Variants in CACNA1H observed in about 807,000 individuals in gnomAD.
The protein encoded by CACNA1H is calcium voltage-gated channel subunit alpha1 H, also known as voltage-dependent T-type calcium channel subunit alpha-1H.
In CACNA1H, 149 loss-of-function variants were observed where a neutral mutation model predicts 192.5. That is an observed-to-expected ratio of 0.77 (90% CI 0.68 to 0.89). The LOEUF is 0.89. CACNA1H is among the 40% of genes least tolerant of loss of function. CACNA1H has a pLI of 0.00. For synonymous variants in CACNA1H, 2,202 were observed against 1,475.2 expected (o/e 1.49, Z -11.29); for missense variants, 4,257 against 3,423.5 (o/e 1.24, Z -6.08).
chr16:1,192,700 C>G (rs1385006435), intron 2 of CACNA1H, among the ~76,000 whole-genome samples: 2 of 152,192 alleles, frequency 1.3e-5, no homozygotes, highest in African/African-American at 4.8e-5. Context: ...AGGGCACCCT[C>G]TGCTCCAGCC....
intron 2 of CACNA1H, 71 bp from the exon 3 acceptor site, chr16:1,194,901 T>G (rs1485958365): frequency 2.8e-5 from 31 of 1,110,564 alleles, no homozygotes; most frequent in East Asian, 1.4e-4. Flanking sequence ...GCTGACCGGG[T>G]GGGCATTTGG....
chr16:1,218,832 C>T, intron 33 of CACNA1H, 138 bp from the exon 34 acceptor site: 4 of 1,114,898 alleles, frequency 3.6e-6, no homozygotes, highest in Admixed American at 2.3e-5. Context: ...TGGGTGTGGG[C>T]AGGTGAGAGA....
chr16:1,197,632 C>T (rs772243539), intron 5 of CACNA1H, among the ~76,000 whole-genome samples: 19 of 152,184 alleles, frequency 1.2e-4, no homozygotes, highest in Non-Finnish European at 2.1e-4. Flanking sequence ...GAGGCGGTTG[C>T]GGTCTGGCCA....
intron 11 of CACNA1H, 28 bp downstream of exon 11, chr16:1,205,293 A>T: frequency 6.3e-7 from 1 of 1,580,860 alleles, no homozygotes; most frequent in Non-Finnish European, 8.6e-7. Context: ...CCCCAGGAAG[A>T]GGGGCCCGGG....
At chr16:1,169,769 C>T (rs948336444) in intron 2 of CACNA1H, among the ~76,000 whole-genome samples, 10 of 152,248 alleles carry the variant, frequency 6.6e-5, no homozygotes, top group Non-Finnish European at 1.3e-4. Context: ...GTTTGTCCGT[C>T]TGCCTCCCAG....
intron 2 of CACNA1H, among the ~76,000 whole-genome samples, chr16:1,169,786 T>TCCCTGGC (rs1052578403): frequency 1.1e-4 from 16 of 152,172 alleles, no homozygotes; most frequent in African/African-American, 3.1e-4. Context: ...CCAGGCCTGG[T>TCCCTGGC]CCCTGGCCCC....
intron 2 of CACNA1H, among the ~76,000 whole-genome samples, chr16:1,170,587 G>C (rs1964270799): frequency 6.6e-6 from 1 of 152,192 alleles, no homozygotes; most frequent in African/African-American, 2.4e-5. Context: ...CTTTAATCAG[G>C]GAATGTCTGT....
intron 2 of CACNA1H, among the ~76,000 whole-genome samples, chr16:1,163,281 G>A (rs1963413198): frequency 6.6e-6 from 1 of 152,264 alleles, no homozygotes; most frequent in African/African-American, 2.4e-5. Flanking sequence ...GGCCAGGTGG[G>A]TGTCGGGCGT....
chr16:1,205,956 G>A, intron 11 of CACNA1H, 148 bp from the exon 12 acceptor site: 2 of 726,606 alleles, frequency 2.8e-6, no homozygotes, highest in South Asian at 4.1e-5. Context: ...AGCTGTTCAT[G>A]CACCTTGATG....
chr16:1,162,445 C>T (rs1266892811), intron 2 of CACNA1H, among the ~76,000 whole-genome samples: 1 of 152,220 alleles, frequency 6.6e-6, no homozygotes, highest in Admixed American at 6.5e-5. Flanking sequence ...CAGCCCCTTT[C>T]AGGATGAATC....
At chr16:1,179,439 G>A (rs1328330214) in intron 2 of CACNA1H, among the ~76,000 whole-genome samples, 4 of 152,106 alleles carry the variant, frequency 2.6e-5, no homozygotes, top group South Asian at 2.1e-4. Context: ...TGGCTGTTCC[G>A]TCCTCCTCAT....
chr16:1,176,023 C>G lies in CACNA1H; in HGVS notation c.300-18949C>G, dbSNP rs117751672. Among the ~76,000 whole-genome samples, 837 of 152,326 alleles carry G rather than the reference C, an allele frequency of 5.5e-3. 8 individuals are homozygous for G. Among genetic ancestry groups the G allele is most frequent in the East Asian group, 0.034 (177 of 5,166 alleles). Reference sequence around the variant, plus strand: ...GTGGCTGCTGGGTCCCAACCCCGTTCGTGGAGGCGCCTCCCACTCCCATCG... The same window carrying G: ...GTGGCTGCTGGGTCCCAACCCCGTTGGTGGAGGCGCCTCCCACTCCCATCG... On this transcript the variant is annotated intron_variant, in intron 2 of 34. Coordinates refer to ENST00000348261, the MANE Select transcript of CACNA1H (RefSeq NM_021098.3).
chr16:1,210,348 T>TAAC, intron 18 of CACNA1H, 22 bp from the exon 19 acceptor site: 4 of 277,468 alleles, frequency 1.4e-5, no homozygotes, highest in Non-Finnish European at 2.5e-5. Flanking sequence ...GCCCCACCTC[T>TAAC]CACCCGCCCC....
intron 12 of CACNA1H, chr16:1,206,617 C>T: frequency 4.6e-6 from 2 of 433,198 alleles, no homozygotes; most frequent in Non-Finnish European, 8.4e-6. Flanking sequence ...CTGCTGTGTG[C>T]CCGTCTAGCC....
At chr16:1,164,533 C>G (rs1963558438) in intron 2 of CACNA1H, among the ~76,000 whole-genome samples, 1 of 152,228 alleles carries the variant, frequency 6.6e-6, no homozygotes, top group African/African-American at 2.4e-5. Flanking sequence ...ACTGAGATGG[C>G]TGCTAAGTGG....
At position 1,208,016 on chromosome 16, in the gene CACNA1H, T is replaced by C; in HGVS notation, c.3158T>C (p.Leu1053Pro). The change falls in exon 16 of 35, where the codon CTG becomes CCG. Residue 1053 changes from leucine to proline, a missense_variant. Coordinates refer to ENST00000348261, the MANE Select transcript of CACNA1H (RefSeq NM_021098.3). ...HKLRELQTTE[L>P]KMCSLAVTPN... ...CATTCCTCCCTCTGTCCCGCAGAGC[T>C]GAAGATGTGTTCCCTGGCCGTGACC... 2 of 1,603,260 alleles carry C rather than the reference T, an allele frequency of 1.2e-6. No individual in the cohort carries two copies. The highest frequency in any genetic ancestry group is 1.7e-6 in the Non-Finnish European group (2 of 1,175,754).
chr16:1,198,836 C>A (rs1025860786), intron 6 of CACNA1H, 62 bp downstream of exon 6: 5 of 1,501,206 alleles, frequency 3.3e-6, no homozygotes, highest in Admixed American at 3.9e-5. Context: ...ATGCAGATAA[C>A]GCACCATGTG....
chr16:1,202,516 C>T lies in CACNA1H; in HGVS notation c.2002+64C>T, dbSNP rs138017762. 2.2e-4 allele frequency: 296 copies of T among 1,376,262 alleles called. No homozygotes were observed. In the African/African-American group the frequency reaches 3.5e-3, roughly 16 times the overall value. The allele number at this position is 1,376,262 out of a possible 1,614,324, so 85.3% of individuals were successfully genotyped here. A position where few individuals can be genotyped will look rare whatever the true frequency, so the allele number is the denominator to read the frequency against. ...ACCTAGGCAGGGCGGGCAGGGTCTC[C>T]GGTGTGTCATTCCCACACCCATTGT... On this transcript the variant is annotated intron_variant, in intron 9 of 34. Transcript: ENST00000348261.
chr16:1,155,066 T>C (rs1962134387), intron 2 of CACNA1H, among the ~76,000 whole-genome samples: 1 of 152,224 alleles, frequency 6.6e-6, no homozygotes, highest in South Asian at 2.1e-4. Context: ...GAGCGGCCTG[T>C]GTACACTTCC....
Sources: gnomAD v4.1 joint callset for allele counts (sites outside exome capture counted in the v4.1 genomes callset) on GRCh38, gnomAD v4.1.1 for gene constraint, MANE v1.5 for transcripts, NCBI Gene and HGNC (gene_info 2026-07-23, HGNC 2026-07-21) for gene names.